Variants in KIAA0825 observed in about 807,000 individuals in gnomAD.
The protein encoded by KIAA0825 is uncharacterized protein KIAA0825.
A neutral mutation model predicts 147.6 loss-of-function variants in KIAA0825; 119 were observed. The observed-to-expected ratio is 0.81, with a 90% CI of 0.69 to 0.94. KIAA0825 has a LOEUF of 0.94. Among genes scored for constraint, KIAA0825 ranks in the 40% least tolerant of loss-of-function variants. The pLI is 0.00. For synonymous variants in KIAA0825, 470 were observed against 518.1 expected (o/e 0.91, Z 1.26); for missense variants, 1,381 against 1,472.7 (o/e 0.94, Z 1.02).
At chr5:94,599,588 C>T (rs954210757) in intron 1 of KIAA0825, among the ~76,000 whole-genome samples, 1 of 151,934 alleles carries the variant, frequency 6.6e-6, no homozygotes, top group Admixed American at 6.6e-5. Context: ...ATCTTCTTGA[C>T]ACTGGAGTAG....
At chr5:94,477,066 G>T in intron 7 of KIAA0825, 45 bp downstream of exon 7, 2 of 1,260,598 alleles carry the variant, frequency 1.6e-6, no homozygotes, top group South Asian at 1.3e-5. Context: ...GGCATATGAT[G>T]ATATTATATG....
chr5:94,390,648 C>T lies in KIAA0825; in HGVS notation c.3456+887G>A, dbSNP rs188179057. Reference sequence around the variant, plus strand: ...TGTTTGATCTATGAAATCCAGGAAACAAGATTTACTTGAAGTAACTTTCAC... The same window carrying T: ...TGTTTGATCTATGAAATCCAGGAAATAAGATTTACTTGAAGTAACTTTCAC... On this transcript the variant is annotated intron_variant, in intron 18 of 20. Coordinates refer to ENST00000682413, the MANE Select transcript of KIAA0825 (RefSeq NM_001145678.3). Among the ~76,000 whole-genome samples the T allele has an allele frequency of 1.2e-4, 18 of 152,256 alleles. No homozygotes were observed. The East Asian group carries it at 3.5e-3, about 29-fold the overall frequency.
chr5:94,384,564 G>A, intron 19 of KIAA0825, 106 bp from the exon 20 acceptor site: 1 of 856,036 alleles, frequency 1.2e-6, no homozygotes, highest in Admixed American at 2.1e-5. Context: ...GAAGGAGGGG[G>A]GTCCAGAACA....
At chr5:94,248,791 C>A (rs1406760861) in intron 20 of KIAA0825, among the ~76,000 whole-genome samples, 1 of 152,038 alleles carries the variant, frequency 6.6e-6, no homozygotes, top group Non-Finnish European at 1.5e-5. Context: ...ACGTTTTTTC[C>A]CCTCTCTGTT....
At chr5:94,481,678 G>A (rs78662722) in intron 6 of KIAA0825, among the ~76,000 whole-genome samples, 8 of 151,978 alleles carry the variant, frequency 5.3e-5, no homozygotes, top group Non-Finnish European at 1.0e-4. Flanking sequence ...AACTACATAC[G>A]CCTCCCTAAT....
At chr5:94,563,903 C>A (rs1356832682) in intron 2 of KIAA0825, among the ~76,000 whole-genome samples, 6 of 152,116 alleles carry the variant, frequency 3.9e-5, no homozygotes, top group South Asian at 4.1e-4. Context: ...CAAGACTGAT[C>A]TCGAACTCCT....
chr5:94,355,019 G>T (rs979836876), intron 20 of KIAA0825, among the ~76,000 whole-genome samples: 1 of 152,184 alleles, frequency 6.6e-6, no homozygotes, highest in Non-Finnish European at 1.5e-5. Flanking sequence ...GGGACAATTC[G>T]AAGGGGGGCA....
intron 5 of KIAA0825, among the ~76,000 whole-genome samples, chr5:94,514,454 G>T (rs1462126255): frequency 6.6e-6 from 1 of 152,042 alleles, no homozygotes; most frequent in Non-Finnish European, 1.5e-5. Flanking sequence ...TATGCTATGA[G>T]TCCAACAGAA....
At chr5:94,529,981 G>A (rs1339830793) in intron 3 of KIAA0825, among the ~76,000 whole-genome samples, 1 of 151,926 alleles carries the variant, frequency 6.6e-6, no homozygotes, top group East Asian at 1.9e-4. Flanking sequence ...TTAAAAAATG[G>A]ACTTACTAGC....
intron 15 of KIAA0825, 25 bp from the exon 16 acceptor site, chr5:94,403,818 G>C (rs1751697172): frequency 2.6e-6 from 4 of 1,536,194 alleles, no homozygotes; most frequent in Non-Finnish European, 3.5e-6. Flanking sequence ...GGCATATTAT[G>C]GTTAGCAGAA....
At chr5:94,226,986 T>C (rs1774231228) in intron 20 of KIAA0825, among the ~76,000 whole-genome samples, 1 of 152,204 alleles carries the variant, frequency 6.6e-6, no homozygotes. Flanking sequence ...GAAGTCAGTG[T>C]GGCGATTCCT....
rs1751683250 is a variant in KIAA0825 at position 94,403,694 on chromosome 5, A to G, written c.2762T>C (p.Met921Thr). 1 of 1,551,576 alleles carries G rather than the reference A, an allele frequency of 6.4e-7. No homozygotes were observed. Among genetic ancestry groups the G allele is most frequent in the African/African-American group, 1.4e-5 (1 of 73,162 alleles). The change falls in exon 16 of 21, where the codon ATG becomes ACG. Residue 921 changes from methionine to threonine, a missense_variant. Met to Thr is a moderately conservative substitution (Grantham distance 81, BLOSUM62 -1). Transcript: ENST00000682413. ...TGTCTCACAGTTTCTCCTAGAACTC[A>G]TTACAGATACTATCTGCTGTACAGT... ...KDTVQQIVSV[M>T]SSRRNCETNL...
chr5:94,509,365 C>T (rs1766166507), intron 5 of KIAA0825, among the ~76,000 whole-genome samples: 1 of 152,128 alleles, frequency 6.6e-6, no homozygotes. Context: ...CACTAAATTT[C>T]CTATTTAGTA....
chr5:94,559,183 C>T (rs896740820), intron 2 of KIAA0825, among the ~76,000 whole-genome samples: 1 of 152,132 alleles, frequency 6.6e-6, no homozygotes, highest in Non-Finnish European at 1.5e-5. Context: ...AATACCTTTA[C>T]TGAGCTTTCT....
intron 20 of KIAA0825, among the ~76,000 whole-genome samples, chr5:94,165,604 C>T (rs936442133): frequency 4.6e-5 from 7 of 152,084 alleles, no homozygotes; most frequent in African/African-American, 9.7e-5. Context: ...GCAACTTAAG[C>T]GTCCAACAAT....
chr5:94,432,350 C>T (rs751207487), intron 14 of KIAA0825, among the ~76,000 whole-genome samples: 15 of 152,136 alleles, frequency 9.9e-5, no homozygotes, highest in Non-Finnish European at 1.8e-4. Context: ...TATGTTTGCA[C>T]TTAAAGACAA....
chr5:94,429,963 G>A (rs1755443264), intron 14 of KIAA0825, among the ~76,000 whole-genome samples: 1 of 152,126 alleles, frequency 6.6e-6, no homozygotes. Context: ...AGGAAGGGTG[G>A]TAAGTCAGGC....
intron 14 of KIAA0825, among the ~76,000 whole-genome samples, chr5:94,418,026 T>C (rs1183643130): frequency 6.6e-6 from 1 of 152,190 alleles, no homozygotes; most frequent in Non-Finnish European, 1.5e-5. Context: ...TTCTGTACTA[T>C]TGCATTTATA....
At chr5:94,453,916 A>T (rs2150915700) in intron 12 of KIAA0825, among the ~76,000 whole-genome samples, 1 of 152,068 alleles carries the variant, frequency 6.6e-6, no homozygotes, top group South Asian at 2.1e-4. Context: ...TAAATATTAA[A>T]TAATTAATTA....
Sources: gnomAD v4.1 joint callset for allele counts (sites outside exome capture counted in the v4.1 genomes callset) on GRCh38, gnomAD v4.1.1 for gene constraint, MANE v1.5 for transcripts, NCBI Gene and HGNC (gene_info 2026-07-23, HGNC 2026-07-21) for gene names.